C8orf76: variants seen among roughly 807,000 people sequenced by gnomAD.
The protein encoded by C8orf76 is uncharacterized protein C8orf76.
A neutral mutation model predicts 38.1 loss-of-function variants in C8orf76; 46 were observed. The observed-to-expected ratio is 1.21, with a 90% CI of 0.95 to 1.54. The LOEUF (loss-of-function observed/expected upper bound fraction) is 1.54. Ranked by LOEUF, C8orf76 falls within the 40% of genes most tolerant of loss-of-function variation. The probability of loss-of-function intolerance (pLI) is 0.00; values close to 1 mark genes in which losing one functional copy is unlikely to be tolerated. For missense variants in C8orf76, 461 were observed against 441.6 expected, an observed-to-expected ratio of 1.04 and a Z score of -0.39; for synonymous variants, 166 against 167.5, an observed-to-expected ratio of 0.99 and a Z score of 0.07.
chr8:123,236,056 A>G (rs1016160499), intron 3 of C8orf76, among the ~76,000 whole-genome samples: 6 of 152,222 alleles, frequency 3.9e-5, no homozygotes, highest in Non-Finnish European at 8.8e-5. Context: ...ATTAGTAGAG[A>G]ACAGAAAAGA....
intron 1 of C8orf76, 57 bp downstream of exon 1, chr8:123,241,173 C>T: frequency 6.7e-7 from 1 of 1,493,262 alleles, no homozygotes; most frequent in Non-Finnish European, 8.9e-7. Context: ...GGGCCGGGGC[C>T]CCGCGGAGGG....
intron 3 of C8orf76, chr8:123,236,760 G>A (rs1472542686): frequency 1.1e-5 from 5 of 469,104 alleles, no homozygotes; most frequent in Non-Finnish European, 2.0e-5. Context: ...CTCCAGCCTG[G>A]GTGACAGAGT....
At chr8:123,237,166 C>A in intron 3 of C8orf76, 1 of 730,776 alleles carries the variant, frequency 1.4e-6, no homozygotes, top group South Asian at 1.5e-5. Flanking sequence ...TGTCAACTCC[C>A]GCAAGAAGCG....
intron 3 of C8orf76, among the ~76,000 whole-genome samples, chr8:123,234,936 T>G (rs1825406984): frequency 6.6e-6 from 1 of 152,158 alleles, no homozygotes; most frequent in African/African-American, 2.4e-5. Flanking sequence ...CACTCCAGCC[T>G]GGGCAACAGA....
Position 123,231,539 on chromosome 8 carries a change from G to C in C8orf76, c.576C>G (p.His192Gln), listed in dbSNP as rs1211560749. 1.2e-6 allele frequency: 2 copies of C among 1,614,116 alleles called. No individual in the cohort carries two copies. The highest frequency in any genetic ancestry group is 2.2e-5 in the East Asian group (1 of 44,900). Reference protein sequence around the residue: ...SAALASSQKQHSFTSSDKTIK... With the variant: ...SAALASSQKQQSFTSSDKTIK... Reference sequence around the variant, plus strand: ...TAGTTTTGTCACTTGAGGTGAAACTGTGCTGTTTCTGAGATGACGCAAGTG... The same window carrying C: ...TAGTTTTGTCACTTGAGGTGAAACTCTGCTGTTTCTGAGATGACGCAAGTG... The change falls in exon 4 of 6, where the codon CAC becomes CAG. Residue 192 changes from histidine (H) to glutamine (Q), a missense_variant. By Grantham distance (24) the His-to-Gln change is conservative. Coordinates refer to ENST00000276704, the MANE Select transcript of C8orf76 (RefSeq NM_032847.3).
At chr8:123,228,074 C>T (rs887249808) in intron 4 of C8orf76, among the ~76,000 whole-genome samples, 1 of 152,194 alleles carries the variant, frequency 6.6e-6, no homozygotes, top group African/African-American at 2.4e-5. Flanking sequence ...CAGCGGAAGG[C>T]ACCACCATCC....
rs1046472754 is a variant in C8orf76 at position 123,241,293 on chromosome 8, C to T, written c.54G>A (p.Glu18=). The T allele has an allele frequency of 1.3e-6, 2 of 1,577,932 alleles. No homozygotes were observed. The highest frequency in any genetic ancestry group is 1.7e-6 in the Non-Finnish European group (2 of 1,167,228). The change falls in exon 1 of 6, where the codon GAG becomes GAA. Residue 18 remains glutamate, a synonymous_variant. Transcript: ENST00000276704. ...GTCCTGACCGCCGCTCCGGCCTCTC[C>T]TCGAACACCGAGTCCTCGAACTCGC... ...FGGEFEDSVF[E]ERPERRSGPP...
Position 123,237,715 on chromosome 8 carries a change from G to A in C8orf76, c.357+83C>T, listed in dbSNP as rs541055949. ...AACCCATAGATTTTGCTACTAGCAAGAAGTTTGTTTTGTTTTCAAAAAATA... is the reference window on the plus strand; with the variant it reads ...AACCCATAGATTTTGCTACTAGCAAAAAGTTTGTTTTGTTTTCAAAAAATA... On this transcript the variant is annotated intron_variant, in intron 3 of 5. Transcript: ENST00000276704. 3,318 of 1,475,832 alleles carry A rather than the reference G, an allele frequency of 2.2e-3. 5 individuals carry two copies. The highest frequency in any genetic ancestry group is 7.4e-3 in the Middle Eastern group (41 of 5,550). 91.4% of individuals were successfully genotyped at this position (1,475,832 alleles called of 1,614,324 possible). A position where few individuals can be genotyped will look rare whatever the true frequency, so the allele number is the denominator to read the frequency against.
intron 4 of C8orf76, 146 bp from the exon 5 acceptor site, chr8:123,226,778 G>T: frequency 8.2e-7 from 1 of 1,220,474 alleles, no homozygotes; most frequent in South Asian, 1.8e-5. Flanking sequence ...ACCCTCACTA[G>T]AACTATCATT....
intron 3 of C8orf76, among the ~76,000 whole-genome samples, chr8:123,232,548 C>T (rs1825309865): frequency 1.3e-5 from 2 of 152,300 alleles, no homozygotes; most frequent in South Asian, 2.1e-4. Context: ...CTAAGGAAAG[C>T]CTGGCCTGCA....
chr8:123,224,429 T>C (rs1032239805), intron 5 of C8orf76, among the ~76,000 whole-genome samples: 8 of 152,008 alleles, frequency 5.3e-5, no homozygotes, highest in Admixed American at 6.6e-5. Flanking sequence ...CTGGGCAACA[T>C]AGCAAGACCC....
At chr8:123,221,770 G>GC (rs776195280) in intron 5 of C8orf76, among the ~76,000 whole-genome samples, 2 of 151,866 alleles carry the variant, frequency 1.3e-5, no homozygotes, top group Non-Finnish European at 2.9e-5. Flanking sequence ...GCCGGGTATG[G>GC]CAGCACTCAA....
At chr8:123,239,397 T>C (rs1272298638) in intron 1 of C8orf76, 13 of 356,612 alleles carry the variant, frequency 3.6e-5, no homozygotes, top group Non-Finnish European at 6.4e-5. Context: ...ACATGCTTTC[T>C]TGTAGATAAA....
chr8:123,238,789 G>A, intron 2 of C8orf76: 1 of 379,124 alleles, frequency 2.6e-6, no homozygotes, highest in Non-Finnish European at 4.9e-6. Context: ...AAGTAATGAG[G>A]AGATTCAGAA....
At chr8:123,226,664 A>C (rs1825055650) in intron 4 of C8orf76, 32 bp from the exon 5 acceptor site, 6 of 1,571,714 alleles carry the variant, frequency 3.8e-6, no homozygotes, top group Non-Finnish European at 5.1e-6. Flanking sequence ...ATGCGTGGCG[A>C]AAAGTCCCAA....
At chr8:123,237,100 C>A in intron 3 of C8orf76, 2 of 1,025,188 alleles carry the variant, frequency 2.0e-6, no homozygotes, top group Non-Finnish European at 3.1e-6. Context: ...CCCAGAAATA[C>A]AACTACAACA....
At chr8:123,223,780 G>C (rs1453539557) in intron 5 of C8orf76, among the ~76,000 whole-genome samples, 1 of 152,110 alleles carries the variant, frequency 6.6e-6, no homozygotes, top group Non-Finnish European at 1.5e-5. Flanking sequence ...AGCCATAGAA[G>C]GTATGAAGTT....
At position 123,235,101 on chromosome 8, in the gene C8orf76, GTT is replaced by G. The variant is rs370078295; in HGVS notation, c.357+2695_357+2696del. ...GGAAAATAGTAGGACTGAAATGTTT[GTT>G]GAGTGCTGAGTGGATAAATGAAAAG... On this transcript the variant is annotated intron_variant, in intron 3 of 5. Coordinates refer to ENST00000276704, the MANE Select transcript of C8orf76 (RefSeq NM_032847.3). Among the ~76,000 whole-genome samples, 915 of 152,328 alleles carry G rather than the reference GTT, an allele frequency of 6.0e-3. 4 individuals carry two copies. The highest frequency in any genetic ancestry group is 0.021 in the African/African-American group (858 of 41,578).
At chr8:123,237,175 C>G (rs879074410) in intron 3 of C8orf76, 5 of 708,108 alleles carry the variant, frequency 7.1e-6, no homozygotes, top group Non-Finnish European at 1.3e-5. Context: ...CCGCAAGAAG[C>G]GCGGCCACAC....
Sources: allele counts gnomAD v4.1 joint callset (sites outside exome capture counted in the v4.1 genomes callset), GRCh38; gene constraint gnomAD v4.1.1; transcripts MANE v1.5; gene names NCBI Gene and HGNC (gene_info 2026-07-23, HGNC 2026-07-21).